Variants in ADGRA3 observed in about 807,000 individuals in gnomAD.
ADGRA3 encodes the protein adhesion G protein-coupled receptor A3, also known as G-protein coupled receptor 125.
Under a neutral mutation model 119.8 loss-of-function variants are expected in ADGRA3, and 56 were observed. That is an observed-to-expected ratio of 0.47 (90% CI 0.38 to 0.58). The LOEUF (loss-of-function observed/expected upper bound fraction) is 0.58, where lower values mean the gene tolerates loss of function less well. Ranked by LOEUF, ADGRA3 falls within the 20% of genes least tolerant of loss-of-function variation. The probability of loss-of-function intolerance (pLI) is 0.00; values close to 1 mark genes in which losing one functional copy is unlikely to be tolerated. For missense variants in ADGRA3, 1,516 were observed against 1,649.0 expected (o/e 0.92, Z 1.40); for synonymous variants, 607 against 623.8 (o/e 0.97, Z 0.40).
intron 1 of ADGRA3, among the ~76,000 whole-genome samples, chr4:22,512,509 C>T (rs961216204): frequency 1.1e-4 from 16 of 152,138 alleles, no homozygotes; most frequent in African/African-American, 3.6e-4. Context: ...AGGGTCTTTG[C>T]AGATGTATTT....
intron 2 of ADGRA3, among the ~76,000 whole-genome samples, chr4:22,467,128 T>C (rs2109110729): frequency 6.6e-6 from 1 of 152,312 alleles, no homozygotes; most frequent in Non-Finnish European, 1.5e-5. Flanking sequence ...TATGTAAGCA[T>C]ATTCCAATAT....
At chr4:22,502,778 G>A (rs1560349954) in intron 1 of ADGRA3, among the ~76,000 whole-genome samples, 2 of 151,308 alleles carry the variant, frequency 1.3e-5, no homozygotes, top group South Asian at 2.1e-4. Flanking sequence ...AAGAGTGGGA[G>A]TTTAAGCCTT....
intron 5 of ADGRA3, among the ~76,000 whole-genome samples, chr4:22,446,526 G>A (rs1459760275): frequency 1.3e-5 from 2 of 152,174 alleles, no homozygotes. Context: ...GGAGTATGGA[G>A]TGTGAGCCAA....
At position 22,434,785 on chromosome 4, in the gene ADGRA3, T is replaced by C. The variant is rs187054734; in HGVS notation, c.1443+526A>G. ...TATCATGGTTTCAATGTGGTCCCGT[T>C]AAGTTAAAATACGCCACTTTTAGAA... On this transcript the variant is annotated intron_variant, in intron 10 of 18. Transcript: ENST00000334304. Among the ~76,000 whole-genome samples the C allele has an allele frequency of 3.3e-5, 5 of 152,340 alleles. No individual in the cohort carries two copies. In the East Asian group the frequency reaches 9.6e-4, roughly 29 times the overall value.
chr4:22,408,124 TC>T, intron 14 of ADGRA3, among the ~76,000 whole-genome samples: 1 of 152,044 alleles, frequency 6.6e-6, no homozygotes, highest in Admixed American at 6.6e-5. Flanking sequence ...GATTTTATTC[TC>T]CCTACCTCAC....
intron 1 of ADGRA3, among the ~76,000 whole-genome samples, chr4:22,487,830 G>T (rs1325438916): frequency 2.6e-5 from 4 of 152,154 alleles, no homozygotes. Context: ...ATCTAACCAA[G>T]AAACTCTCTG....
intron 4 of ADGRA3, among the ~76,000 whole-genome samples, chr4:22,452,081 G>A (rs985830438): frequency 1.3e-5 from 2 of 152,100 alleles, no homozygotes; most frequent in African/African-American, 2.4e-5. Context: ...CCCAAATTAC[G>A]ATAAGCAATG....
At chr4:22,436,078 T>C (rs1013131979) in intron 9 of ADGRA3, among the ~76,000 whole-genome samples, 1 of 152,100 alleles carries the variant, frequency 6.6e-6, no homozygotes, top group Non-Finnish European at 1.5e-5. Context: ...AAAAAGCACA[T>C]GAGTAGTTCA....
chr4:22,512,069 A>T (rs1577393590), intron 1 of ADGRA3, among the ~76,000 whole-genome samples: 1 of 151,522 alleles, frequency 6.6e-6, no homozygotes, highest in Non-Finnish European at 1.5e-5. Context: ...TCCAGCTAAT[A>T]TCTGTATTTT....
intron 16 of ADGRA3, among the ~76,000 whole-genome samples, chr4:22,397,582 TC>T (rs1467442611): frequency 6.6e-6 from 1 of 152,098 alleles, no homozygotes; most frequent in Non-Finnish European, 1.5e-5. Context: ...TTTAGTTGTG[TC>T]CCCACCCAAA....
intron 2 of ADGRA3, among the ~76,000 whole-genome samples, chr4:22,462,892 G>A (rs953807469): frequency 6.6e-6 from 1 of 152,162 alleles, no homozygotes; most frequent in African/African-American, 2.4e-5. Flanking sequence ...GGGCTCAGCT[G>A]GGGACTCGCC....
At chr4:22,404,353 A>T (rs966787770) in intron 14 of ADGRA3, among the ~76,000 whole-genome samples, 1 of 152,190 alleles carries the variant, frequency 6.6e-6, no homozygotes, top group African/African-American at 2.4e-5. Flanking sequence ...GTAGAATCAT[A>T]AGTTCACAAT....
chr4:22,467,935 A>G (rs1450386921), intron 2 of ADGRA3, among the ~76,000 whole-genome samples: 1 of 152,212 alleles, frequency 6.6e-6, no homozygotes, highest in Admixed American at 6.5e-5. Context: ...CTCCTATAGG[A>G]AAGAACATGA....
chr4:22,503,671 A>G (rs945582356), intron 1 of ADGRA3, among the ~76,000 whole-genome samples: 11 of 152,226 alleles, frequency 7.2e-5, no homozygotes, highest in Non-Finnish European at 1.6e-4. Flanking sequence ...CATTCTAGAT[A>G]GGACCAGGTC....
intron 11 of ADGRA3, among the ~76,000 whole-genome samples, chr4:22,421,700 GAAGCTCCATCTCTAC>G (rs1332787745): frequency 6.6e-6 from 1 of 151,904 alleles, no homozygotes; most frequent in Admixed American, 6.6e-5. Context: ...TCAACATGGT[GAAGCTCCATCTCTAC>G]TAAAAATACA....
chr4:22,436,061 A>T lies in ADGRA3; in HGVS notation c.1287+379T>A, dbSNP rs569714963. ...GTTTTAAAAAGATGCATAGAAGCAAAGATAACAAAAAGCACATGAGTAGTT... is the reference window on the plus strand; with the variant it reads ...GTTTTAAAAAGATGCATAGAAGCAATGATAACAAAAAGCACATGAGTAGTT... On this transcript the variant is annotated intron_variant, in intron 9 of 18. Transcript: ENST00000334304. 1.1e-4 allele frequency among the ~76,000 whole-genome samples: 17 copies of T among 152,322 alleles called. No homozygotes were observed. In the East Asian group the frequency reaches 3.3e-3, roughly 29 times the overall value.
At chr4:22,461,933 A>G (rs772369772) in intron 2 of ADGRA3, 125 bp from the exon 3 acceptor site, 2 of 541,044 alleles carry the variant, frequency 3.7e-6, no homozygotes, top group African/African-American at 3.9e-5. Flanking sequence ...CTGAAGCCAA[A>G]AGGGTTAAGC....
At chr4:22,414,370 A>C (rs1015019998) in intron 12 of ADGRA3, 4 of 395,790 alleles carry the variant, frequency 1.0e-5, no homozygotes, top group Middle Eastern at 6.8e-4. Flanking sequence ...TAGAAAAAAA[A>C]AATAATAACA....
chr4:22,507,577 C>T (rs772891118), intron 1 of ADGRA3, among the ~76,000 whole-genome samples: 28 of 152,198 alleles, frequency 1.8e-4, no homozygotes, highest in Non-Finnish European at 3.5e-4. Context: ...CAAACATTAT[C>T]ATATTCGTTT....
Sources: gnomAD v4.1 joint callset for allele counts (sites outside exome capture counted in the v4.1 genomes callset) on GRCh38, gnomAD v4.1.1 for gene constraint, MANE v1.5 for transcripts, NCBI Gene and HGNC (gene_info 2026-07-23, HGNC 2026-07-21) for gene names.